FZD3: variants seen among roughly 807,000 people sequenced by gnomAD.
The protein encoded by FZD3 is frizzled class receptor 3.
FZD3 carries 30 observed loss-of-function variants against 60.7 expected under a neutral mutation model. The ratio of observed to expected loss-of-function variants is 0.49; its 90% CI spans 0.37 to 0.67. The LOEUF is 0.67. Ranked by LOEUF, FZD3 falls within the 30% of genes least tolerant of loss-of-function variation. FZD3 has a pLI of 0.00. For missense variants in FZD3, 605 were observed against 838.7 expected, an observed-to-expected ratio of 0.72 and a Z score of 3.44; for synonymous variants, 246 against 275.2, an observed-to-expected ratio of 0.89 and a Z score of 1.05.
At chr8:28,533,171 C>A (rs1804923195) in intron 5 of FZD3, among the ~76,000 whole-genome samples, 2 of 151,352 alleles carry the variant, frequency 1.3e-5, no homozygotes, top group South Asian at 2.1e-4. Flanking sequence ...TTCTTTTTTT[C>A]CCCCCATGAT....
At chr8:28,548,912 A>T (rs1805353563) in intron 5 of FZD3, among the ~76,000 whole-genome samples, 1 of 152,222 alleles carries the variant, frequency 6.6e-6, no homozygotes. Flanking sequence ...CATTTCTCTT[A>T]TTAAATTTAT....
At chr8:28,495,659 C>T (rs1803824889) in intron 1 of FZD3, among the ~76,000 whole-genome samples, 1 of 151,904 alleles carries the variant, frequency 6.6e-6, no homozygotes, top group African/African-American at 2.4e-5. Flanking sequence ...TGATGCTTTC[C>T]GTCTTTACTT....
intron 2 of FZD3, among the ~76,000 whole-genome samples, chr8:28,502,051 A>G (rs1046288065): frequency 6.6e-6 from 1 of 152,308 alleles, no homozygotes; most frequent in East Asian, 1.9e-4. Flanking sequence ...GTACTTTTGC[A>G]TACATTATCT....
At position 28,573,780 on chromosome 8, in the gene FZD3, T is replaced by C. The variant is rs1393655088; in HGVS notation, c.*10769T>C. The C allele has an allele frequency of 6.6e-6, 1 of 152,112 alleles. No homozygotes were observed. The highest frequency in any genetic ancestry group is 6.6e-5 in the Admixed American group (1 of 15,246). The allele number at this position is 152,112 out of a possible 1,614,324, so 9.4% of individuals were successfully genotyped here. A position where few individuals can be genotyped will look rare whatever the true frequency, so the allele number is the denominator to read the frequency against. The stretch of plus-strand genomic sequence containing the variant: ...ATAAAGGTAGAAAAAGTATTCCTTT[T>C]CATTATTCTAAAAAATATGTCATTT... On this transcript the variant is annotated 3_prime_UTR_variant, in exon 8 of 8. Coordinates refer to ENST00000240093, the MANE Select transcript of FZD3 (RefSeq NM_017412.4).
At chr8:28,550,898 T>C (rs1024574318) in intron 5 of FZD3, among the ~76,000 whole-genome samples, 1 of 152,206 alleles carries the variant, frequency 6.6e-6, no homozygotes, top group African/African-American at 2.4e-5. Context: ...TTTTGTTCTA[T>C]AGAAGTTTTA....
chr8:28,566,414 T>C lies in FZD3; in HGVS notation c.*3403T>C, dbSNP rs1467240438. On this transcript the variant is annotated 3_prime_UTR_variant, in exon 8 of 8. Transcript: ENST00000240093. The stretch of plus-strand genomic sequence containing the variant: ...CTTTTAGTCTTATGCTGTTAGATCT[T>C]TGTGGACCAGCTGAGTAAATGAATC... The C allele has an allele frequency of 6.6e-6, 1 of 152,186 alleles. No individual in the cohort carries two copies. The highest frequency in any genetic ancestry group is 1.5e-5 in the Non-Finnish European group (1 of 68,002). The allele number at this position is 152,186 out of a possible 1,614,324, so 9.4% of individuals were successfully genotyped here. A position where few individuals can be genotyped will look rare whatever the true frequency, so the allele number is the denominator to read the frequency against.
At chr8:28,553,186 T>C (rs955152180) in intron 6 of FZD3, among the ~76,000 whole-genome samples, 2 of 152,198 alleles carry the variant, frequency 1.3e-5, no homozygotes, top group African/African-American at 4.8e-5. Flanking sequence ...AATATAATTT[T>C]GTAGAGCAGA....
In FZD3 at chr8:28,571,980, A is replaced by G. The variant is rs1457797969; in HGVS notation, c.*8969A>G. 1 of 152,212 alleles carries G rather than the reference A, an allele frequency of 6.6e-6. No homozygotes were observed. Among genetic ancestry groups the G allele is most frequent in the Admixed American group, 6.5e-5 (1 of 15,270 alleles). The allele number at this position is 152,212 out of a possible 1,614,324, so 9.4% of individuals were successfully genotyped here. On this transcript the variant is annotated 3_prime_UTR_variant, in exon 8 of 8. Transcript: ENST00000240093. ...AAATGTATCATAATTAATAGTAATTATGAGTTATTTCACTCTCTGTAATTT... is the reference window on the plus strand; with the variant it reads ...AAATGTATCATAATTAATAGTAATTGTGAGTTATTTCACTCTCTGTAATTT...
At chr8:28,513,798 A>G (rs1001476237) in intron 3 of FZD3, among the ~76,000 whole-genome samples, 20 of 152,158 alleles carry the variant, frequency 1.3e-4, no homozygotes, top group South Asian at 2.1e-4. Flanking sequence ...TACAGTTTCT[A>G]TGGTTACCAG....
intron 5 of FZD3, among the ~76,000 whole-genome samples, chr8:28,530,089 C>CTGTGTGTG (rs59022036): frequency 0.01 from 1,422 of 138,528 alleles, 17 homozygotes; most frequent in Non-Finnish European, 0.015. Context: ...TGAAATATAT[C>CTGTGTGTG]TGTGTGTGTG....
chr8:28,507,649 T>A (rs1395572864), intron 3 of FZD3, among the ~76,000 whole-genome samples: 2 of 152,182 alleles, frequency 1.3e-5, no homozygotes, highest in Non-Finnish European at 2.9e-5. Context: ...ACAGTTTATA[T>A]AAGAAAGATA....
intron 7 of FZD3, among the ~76,000 whole-genome samples, chr8:28,558,752 T>A (rs762673867): frequency 3.9e-5 from 6 of 152,166 alleles, no homozygotes; most frequent in African/African-American, 7.2e-5. Flanking sequence ...CTTTCAATGA[T>A]GAATGAATAA....
At chr8:28,535,898 A>G (rs1157688419) in intron 5 of FZD3, among the ~76,000 whole-genome samples, 1 of 152,206 alleles carries the variant, frequency 6.6e-6, no homozygotes, top group Non-Finnish European at 1.5e-5. Context: ...TGATATTTCT[A>G]GAAAAGATTT....
intron 7 of FZD3, among the ~76,000 whole-genome samples, chr8:28,557,698 T>C (rs1159096179): frequency 1.3e-5 from 2 of 152,222 alleles, no homozygotes; most frequent in Admixed American, 1.3e-4. Flanking sequence ...TTTTCTCCTC[T>C]CTACCTGCCT....
intron 4 of FZD3, among the ~76,000 whole-genome samples, chr8:28,524,476 A>T (rs988211603): frequency 6.6e-6 from 1 of 152,208 alleles, no homozygotes; most frequent in Admixed American, 6.5e-5. Context: ...GTATCACTTA[A>T]CTTTAAACTT....
At chr8:28,531,074 G>A (rs1374942677) in intron 5 of FZD3, among the ~76,000 whole-genome samples, 1 of 152,056 alleles carries the variant, frequency 6.6e-6, no homozygotes, top group African/African-American at 2.4e-5. Context: ...GTGTACCTAT[G>A]TATCTAATAT....
chr8:28,540,237 T>A (rs1348426528), intron 5 of FZD3, among the ~76,000 whole-genome samples: 1 of 152,150 alleles, frequency 6.6e-6, no homozygotes, highest in Admixed American at 6.5e-5. Context: ...CAGGTAAGTT[T>A]TGTTTTTTCT....
Position 28,563,142 on chromosome 8 carries a change from A to T in FZD3, c.*131A>T. ...CAAGTACAGATTGTGTCCACTGGAA[A>T]GGTAAATGATTGCTTTTTTATATTG... is the stretch of plus-strand genomic sequence containing the variant. On this transcript the variant is annotated 3_prime_UTR_variant, in exon 8 of 8. Transcript: ENST00000240093. 1.5e-6 allele frequency: 1 copy of T among 661,848 alleles called. No individual in the cohort carries two copies. Among genetic ancestry groups the T allele is most frequent in the South Asian group, 1.8e-5 (1 of 55,164 alleles). 41.0% of individuals were successfully genotyped at this position (661,848 alleles called of 1,614,324 possible).
At chr8:28,538,200 C>A (rs867285825) in intron 5 of FZD3, among the ~76,000 whole-genome samples, 1 of 151,340 alleles carries the variant, frequency 6.6e-6, no homozygotes, top group Non-Finnish European at 1.5e-5. Context: ...AAAATGAATT[C>A]TAACCTATCA....
Sources: allele counts gnomAD v4.1 joint callset (sites outside exome capture counted in the v4.1 genomes callset), GRCh38; gene constraint gnomAD v4.1.1; transcripts MANE v1.5; gene names NCBI Gene and HGNC (gene_info 2026-07-23, HGNC 2026-07-21).